The following VPS13B variants were observed in gnomAD, a reference collection of about 807,000 sequenced individuals.
VPS13B encodes intermembrane lipid transfer protein VPS13B.
Under a neutral mutation model 426.4 loss-of-function variants are expected in VPS13B, and 285 were observed. The observed-to-expected ratio is 0.67, with a 90% CI of 0.61 to 0.74. VPS13B has a LOEUF of 0.74. VPS13B is among the 30% of genes least tolerant of loss of function. The pLI, the probability that VPS13B is intolerant of heterozygous loss-of-function variation, is 0.00. For synonymous variants in VPS13B, 1,676 were observed against 1,676.4 expected (o/e 1.00, Z 0.01); for missense variants, 4,537 against 4,782.6 (o/e 0.95, Z 1.51).
intron 19 of VPS13B, among the ~76,000 whole-genome samples, chr8:99,308,052 G>A (rs903797305): frequency 1.7e-4 from 26 of 151,934 alleles, no homozygotes; most frequent in African/African-American, 6.0e-4. Flanking sequence ...CTGTATACTT[G>A]CACAGTTTCC....
rs767234590 is a variant in VPS13B at position 99,720,434 on chromosome 8, A to C, written c.6747A>C (p.Val2249=). 6.2e-7 allele frequency: 1 copy of C among 1,614,032 alleles called. No homozygotes were observed. Among genetic ancestry groups the C allele is most frequent in the Non-Finnish European group, 8.5e-7 (1 of 1,179,916 alleles). ...TTAATGAGGAGGGAAATTTTGAAGTACAAGTTTCTGAACCAGTGCCTCAAA... is the reference window on the plus strand; with the variant it reads ...TTAATGAGGAGGGAAATTTTGAAGTCCAAGTTTCTGAACCAGTGCCTCAAA... ...GYLNEEGNFE[V]QVSEPVPQMS... The change falls in exon 38 of 62, where the codon GTA becomes GTC. Residue 2249 remains valine, a synonymous_variant. Coordinates refer to ENST00000357162, the MANE Select transcript of VPS13B (RefSeq NM_152564.5).
At chr8:99,700,323 A>T (rs966238055) in intron 36 of VPS13B, among the ~76,000 whole-genome samples, 1 of 152,234 alleles carries the variant, frequency 6.6e-6, no homozygotes, top group Admixed American at 6.5e-5. Context: ...TTACAAATGC[A>T]AATTCTCAGA....
intron 17 of VPS13B, among the ~76,000 whole-genome samples, chr8:99,219,765 C>G (rs577381660): frequency 6.6e-6 from 1 of 152,306 alleles, no homozygotes; most frequent in South Asian, 2.1e-4. Context: ...AAAAATCCCA[C>G]CTTCCAATAC....
At chr8:99,366,071 G>C (rs117046646) in intron 19 of VPS13B, among the ~76,000 whole-genome samples, 2,303 of 151,846 alleles carry the variant, frequency 0.015, 24 homozygotes, top group Non-Finnish European at 0.02. Context: ...GTATTCTGTC[G>C]CCATTGAATG....
intron 51 of VPS13B, among the ~76,000 whole-genome samples, chr8:99,826,757 T>G (rs1814709868): frequency 6.6e-6 from 1 of 152,186 alleles, no homozygotes; most frequent in Non-Finnish European, 1.5e-5. Flanking sequence ...AATACCTAGT[T>G]TATTGAGTGT....
chr8:99,760,555 G>A (rs1810878271), intron 39 of VPS13B, among the ~76,000 whole-genome samples: 1 of 151,518 alleles, frequency 6.6e-6, no homozygotes, highest in South Asian at 2.1e-4. Flanking sequence ...TTTTTTTTTT[G>A]TAGGATGGAG....
chr8:99,808,378 C>T (rs911832179), intron 43 of VPS13B, among the ~76,000 whole-genome samples: 6 of 151,704 alleles, frequency 4.0e-5, no homozygotes, highest in Middle Eastern at 3.2e-3. Context: ...ATTAGCCAGT[C>T]GTGGTGGCAC....
rs758842658 is a variant in VPS13B, at chr8:99,853,934, C to T, written c.10545C>T (p.Tyr3515=). The change falls in exon 56 of 62, where the codon TAC becomes TAT. Residue 3515 remains tyrosine (Y), a synonymous_variant. Coordinates refer to ENST00000357162, the MANE Select transcript of VPS13B (RefSeq NM_152564.5). ...ACGTGGAAGACACATTTGTATACTA[C>T]ATCAAGACTTTGTTTGACACCTACC... is the stretch of plus-strand genomic sequence containing the variant. The part of the protein sequence containing the change: ...RLYVEDTFVY[Y]IKTLFDTYLP... 1.9e-6 allele frequency: 3 copies of T among 1,614,110 alleles called. No individual in the cohort carries two copies. The highest frequency in any genetic ancestry group is 2.5e-6 in the Non-Finnish European group (3 of 1,180,042).
intron 22 of VPS13B, among the ~76,000 whole-genome samples, chr8:99,435,137 T>C (rs562640455): frequency 6.6e-6 from 1 of 152,278 alleles, no homozygotes; most frequent in Admixed American, 6.5e-5. Flanking sequence ...TACTTCCTGG[T>C]TTGTGATGAA....
chr8:99,254,743 A>G (rs1047073524), intron 17 of VPS13B, among the ~76,000 whole-genome samples: 3 of 152,022 alleles, frequency 2.0e-5, no homozygotes, highest in African/African-American at 4.8e-5. Context: ...CACAGGCTCA[A>G]GTGATTCTCC....
chr8:99,105,872 A>G (rs1198849713), intron 5 of VPS13B, among the ~76,000 whole-genome samples: 2 of 152,148 alleles, frequency 1.3e-5, no homozygotes, highest in East Asian at 1.9e-4. Context: ...CATTTATAAA[A>G]TGACTGCTTC....
chr8:99,573,570 T>G (rs891289323), intron 31 of VPS13B, among the ~76,000 whole-genome samples: 1 of 152,216 alleles, frequency 6.6e-6, no homozygotes, highest in Non-Finnish European at 1.5e-5. Context: ...CTTTCCCCAT[T>G]TCTTGTTTTT....
chr8:99,387,314 C>A (rs751850936), intron 20 of VPS13B, among the ~76,000 whole-genome samples: 4 of 152,008 alleles, frequency 2.6e-5, no homozygotes, highest in Non-Finnish European at 5.9e-5. Context: ...ACTTCGTGGG[C>A]TCAAGTGATC....
chr8:99,641,096 G>A (rs1024850968), intron 33 of VPS13B, among the ~76,000 whole-genome samples: 1 of 152,180 alleles, frequency 6.6e-6, no homozygotes, highest in Non-Finnish European at 1.5e-5. Context: ...TATACATGGG[G>A]AGTCATTGGT....
chr8:99,484,545 C>G lies in VPS13B; in HGVS notation c.3870+2743C>G, dbSNP rs530146509. On this transcript the variant is annotated intron_variant, in intron 25 of 61. Transcript: ENST00000357162. ...TAGCTGATTTGTTTTTCATAAAGGG[C>G]AGGAAGATTTTTATGAAGATGGTTA... is the stretch of plus-strand genomic sequence containing the variant. 8.5e-5 allele frequency among the ~76,000 whole-genome samples: 13 copies of G among 152,132 alleles called. No homozygotes were observed. The South Asian group carries it at 2.5e-3, about 29-fold the overall frequency.
intron 22 of VPS13B, among the ~76,000 whole-genome samples, chr8:99,437,247 A>G (rs1817427774): frequency 6.6e-6 from 1 of 152,042 alleles, no homozygotes; most frequent in South Asian, 2.1e-4. Context: ...AACCCATATT[A>G]TTTTTTACTT....
intron 13 of VPS13B, among the ~76,000 whole-genome samples, chr8:99,145,265 G>T (rs1417632613): frequency 6.6e-6 from 1 of 152,106 alleles, no homozygotes; most frequent in Non-Finnish European, 1.5e-5. Flanking sequence ...GTTGGCATAT[G>T]TTTTCATTTT....
chr8:99,506,310 A>ACT (rs1373662790), intron 27 of VPS13B, among the ~76,000 whole-genome samples: 2 of 152,022 alleles, frequency 1.3e-5, no homozygotes, highest in Admixed American at 6.6e-5. Flanking sequence ...AGAATGTTCA[A>ACT]CTCTTTAGTT....
intron 19 of VPS13B, among the ~76,000 whole-genome samples, chr8:99,313,099 T>A (rs895982050): frequency 6.6e-6 from 1 of 152,218 alleles, no homozygotes; most frequent in Non-Finnish European, 1.5e-5. Context: ...TCAGCTTCTT[T>A]GAGATGGGTT....
Sources: allele counts gnomAD v4.1 joint callset (sites outside exome capture counted in the v4.1 genomes callset), GRCh38; gene constraint gnomAD v4.1.1; transcripts MANE v1.5; gene names NCBI Gene and HGNC (gene_info 2026-07-23, HGNC 2026-07-21).